The following TERF2IP variants were observed in gnomAD, a reference collection of about 807,000 sequenced individuals.
TERF2IP encodes TERF2 interacting protein, also known as telomeric repeat-binding factor 2-interacting protein 1.
A neutral mutation model predicts 33.3 loss-of-function variants in TERF2IP; 35 were observed. That is an observed-to-expected ratio of 1.05 (90% confidence interval 0.80 to 1.39). The LOEUF is 1.39. Ranked by LOEUF, TERF2IP falls within the 40% of genes most tolerant of loss-of-function variation. The pLI is 0.00. For missense variants in TERF2IP, 583 were observed against 524.8 expected (o/e 1.11, Z -1.08); for synonymous variants, 253 against 223.2 (o/e 1.13, Z -1.19).
At chr16:75,651,191 G>A (rs2082344710) in intron 1 of TERF2IP, among the ~76,000 whole-genome samples, 1 of 151,908 alleles carries the variant, frequency 6.6e-6, no homozygotes, top group African/African-American at 2.4e-5. Flanking sequence ...AAAGTCAGAG[G>A]GCATGCTGGA....
rs1242493864 is a variant in TERF2IP, at chr16:75,648,183, C to A, written c.301C>A (p.Leu101Met). 6.4e-7 allele frequency: 1 copy of A among 1,555,180 alleles called. No homozygotes were observed. The highest frequency in any genetic ancestry group is 2.0e-5 in the Admixed American group (1 of 50,948). The change falls in exon 1 of 3, where the codon CTG (leucine) becomes ATG (methionine). Residue 101 changes from leucine (L) to methionine (M), a missense_variant. Leu to Met is a conservative substitution (Grantham distance 15). Coordinates refer to ENST00000300086, the MANE Select transcript of TERF2IP (RefSeq NM_018975.4). Reference protein sequence around the residue: ...NERLELEAYRLGPASAADTGS... With the variant: ...NERLELEAYRMGPASAADTGS... ...GAGGCTGGAGCTGGAGGCCTATCGG[C>A]TGGGCCCCGCCTCGGCGGCGGACAC...
intron 1 of TERF2IP, among the ~76,000 whole-genome samples, chr16:75,653,159 A>T (rs2082359601): frequency 6.6e-6 from 1 of 152,156 alleles, no homozygotes; most frequent in African/African-American, 2.4e-5. Context: ...TTTTCCATTA[A>T]TGTATCAATT....
chr16:75,648,540 GC>G lies in TERF2IP; in HGVS notation c.659del (p.Ala220GlyfsTer20). The G allele has an allele frequency of 6.4e-7, 1 of 1,559,422 alleles. No individual in the cohort carries two copies. The highest frequency in any genetic ancestry group is 8.7e-7 in the Non-Finnish European group (1 of 1,149,506). On this transcript the variant is annotated frameshift_variant, in exon 1 of 3. Transcript: ENST00000300086. LOFTEE classifies it high-confidence loss of function. Reference sequence around the variant, plus strand: ...GAAGGCGGAGGAGGACCCGGAGGCCGCGGATAGCGGGGGTGAGGAGGCTGAG... The same window carrying G: ...GAAGGCGGAGGAGGACCCGGAGGCCGGGATAGCGGGGGTGAGGAGGCTGAG... Reference protein sequence around the residue: ...KRKAEEDPEAADSGEPQNKRT... With the variant: ...KRKAEEDPEAXDSGEPQNKRT...
Position 75,648,189 on chromosome 16 carries a change from C to G in TERF2IP, c.307C>G (p.Pro103Ala), listed in dbSNP as rs760421834. The G allele has an allele frequency of 6.4e-7, 1 of 1,551,822 alleles. No homozygotes were observed. The highest frequency in any genetic ancestry group is 1.4e-5 in the African/African-American group (1 of 73,896). The change falls in exon 1 of 3, where the codon CCC becomes GCC. Residue 103 changes from proline (P) to alanine (A), a missense_variant. Coordinates refer to ENST00000300086, the MANE Select transcript of TERF2IP (RefSeq NM_018975.4). Reference protein sequence around the residue: ...RLELEAYRLGPASAADTGSEA... With the variant: ...RLELEAYRLGAASAADTGSEA... ...GGAGCTGGAGGCCTATCGGCTGGGC[C>G]CCGCCTCGGCGGCGGACACCGGCTC...
intron 1 of TERF2IP, among the ~76,000 whole-genome samples, chr16:75,649,535 C>G (rs568363459): frequency 1.4e-5 from 2 of 146,630 alleles, no homozygotes; most frequent in Admixed American, 7.0e-5. Context: ...CAGAGCAAGA[C>G]TCCATCTCAA....
chr16:75,655,104 C>T (rs2082375291), intron 2 of TERF2IP, among the ~76,000 whole-genome samples: 1 of 152,214 alleles, frequency 6.6e-6, no homozygotes, highest in Non-Finnish European at 1.5e-5. Context: ...GTAGCCTCCA[C>T]CTCCCAGGTT....
chr16:75,652,388 T>G (rs917903590), intron 1 of TERF2IP, among the ~76,000 whole-genome samples: 1 of 152,270 alleles, frequency 6.6e-6, no homozygotes, highest in African/African-American at 2.4e-5. Context: ...GAATGAACAG[T>G]AATTTACTTT....
chr16:75,652,291 CTTAA>C (rs2082353559), intron 1 of TERF2IP, among the ~76,000 whole-genome samples: 3 of 152,136 alleles, frequency 2.0e-5, no homozygotes, highest in African/African-American at 7.2e-5. Flanking sequence ...TTTTTTTAAA[CTTAA>C]TTATTTATCT....
chr16:75,656,601 G>C lies in TERF2IP; in HGVS notation c.1190G>C (p.Arg397Pro), dbSNP rs367571165. The change falls in exon 3 of 3, where the codon CGA (arginine) becomes CCA (proline). Residue 397 changes from arginine to proline, a missense_variant. Arg to Pro is a moderately radical substitution (Grantham distance 103, BLOSUM62 -2). Coordinates refer to ENST00000300086, the MANE Select transcript of TERF2IP (RefSeq NM_018975.4). The stretch of plus-strand genomic sequence containing the variant: ...AATGTAGCTCGGAGGATTGAATTTC[G>C]AAAGAAATAATTGGCAAGATAATGA... ...AQNVARRIEF[R>P]KK The C allele has an allele frequency of 1.3e-6, 2 of 1,591,500 alleles. No individual in the cohort carries two copies. Among genetic ancestry groups the C allele is most frequent in the Non-Finnish European group, 1.7e-6 (2 of 1,169,060 alleles).
chr16:75,655,002 A>G, intron 2 of TERF2IP, among the ~76,000 whole-genome samples: 1 of 151,892 alleles, frequency 6.6e-6, no homozygotes, highest in East Asian at 1.9e-4. Context: ...TGCTGGGATT[A>G]CAGGCGTGAG....
At chr16:75,648,577 C>G in intron 1 of TERF2IP, 25 bp downstream of exon 1, 2 of 1,509,216 alleles carry the variant, frequency 1.3e-6, no homozygotes, top group Non-Finnish European at 1.8e-6. Flanking sequence ...CGCGGGGCCT[C>G]GCGGATATCT....
chr16:75,650,560 G>A (rs564410179), intron 1 of TERF2IP, among the ~76,000 whole-genome samples: 25 of 152,186 alleles, frequency 1.6e-4, no homozygotes, highest in African/African-American at 5.8e-4. Context: ...TCTTGAGATG[G>A]GGTCTTGCTC....
rs1189080734 is a variant in TERF2IP at position 75,648,044 on chromosome 16, C to T, written c.162C>T (p.Cys54=). The change falls in exon 1 of 3, where the codon TGC becomes TGT. Residue 54 remains cysteine (C), a synonymous_variant. Coordinates refer to ENST00000300086, the MANE Select transcript of TERF2IP (RefSeq NM_018975.4). ...TLILHGGGTV[C]RVQEPGAVLL... ...TCCTGCACGGCGGCGGCACCGTGTG[C>T]CGAGTGCAGGAGCCCGGGGCCGTGC... 6.2e-7 allele frequency: 1 copy of T among 1,607,600 alleles called. No individual in the cohort carries two copies. The highest frequency in any genetic ancestry group is 1.3e-5 in the African/African-American group (1 of 74,888).
chr16:75,648,630 C>G (rs1013833051), intron 1 of TERF2IP, 78 bp downstream of exon 1: 62 of 1,444,902 alleles, frequency 4.3e-5, no homozygotes, highest in Admixed American at 7.9e-5. Context: ...GCCTGGCGTC[C>G]ATCTTGGCAT....
intron 1 of TERF2IP, among the ~76,000 whole-genome samples, chr16:75,653,748 G>T (rs377587077): frequency 6.6e-6 from 1 of 152,148 alleles, no homozygotes; most frequent in East Asian, 1.9e-4. Flanking sequence ...CTTGGCCCCA[G>T]CTTGGTCAGT....
chr16:75,654,829 C>A (rs2082372775), intron 2 of TERF2IP, among the ~76,000 whole-genome samples: 1 of 147,970 alleles, frequency 6.8e-6, no homozygotes, highest in South Asian at 2.1e-4. Context: ...CCTGGGTTCA[C>A]ACCATTCTCC....
chr16:75,654,330 T>C lies in TERF2IP; in HGVS notation c.728T>C (p.Ile243Thr), dbSNP rs1256931865. The C allele has an allele frequency of 7.4e-6, 12 of 1,613,730 alleles. No homozygotes were observed. Among genetic ancestry groups the C allele is most frequent in the Non-Finnish European group, 5.1e-6 (6 of 1,179,876 alleles). ...LPEEEYVKEEIQENEEAVKKM... is the reference protein window; with the variant it reads ...LPEEEYVKEETQENEEAVKKM... ...GAAGAAGAGTATGTGAAGGAAGAAA[T>C]CCAGGAGAATGAAGAAGCAGTCAAA... is the stretch of plus-strand genomic sequence containing the variant. Residue 243 changes from isoleucine (I) to threonine (T), a missense_variant, in exon 2 of 3, where the codon ATC becomes ACC. Ile to Thr is a moderately conservative substitution (Grantham distance 89). Coordinates refer to ENST00000300086, the MANE Select transcript of TERF2IP (RefSeq NM_018975.4).
At chr16:75,651,243 T>C (rs2082345125) in intron 1 of TERF2IP, among the ~76,000 whole-genome samples, 1 of 152,130 alleles carries the variant, frequency 6.6e-6, no homozygotes, top group Non-Finnish European at 1.5e-5. Context: ...GTTTCTTTAA[T>C]GTCTAAAGAG....
intron 1 of TERF2IP, among the ~76,000 whole-genome samples, 197 bp from the exon 2 acceptor site, chr16:75,654,076 T>C (rs1025474662): frequency 1.4e-5 from 2 of 139,778 alleles, no homozygotes; most frequent in African/African-American, 5.4e-5. Flanking sequence ...GAAGCAAGCA[T>C]AGAAATGGGT....
Sources: gnomAD v4.1 joint callset for allele counts (sites outside exome capture counted in the v4.1 genomes callset) on GRCh38, gnomAD v4.1.1 for gene constraint, MANE v1.5 for transcripts, NCBI Gene and HGNC (gene_info 2026-07-23, HGNC 2026-07-21) for gene names.